CAMTA1: variants seen among roughly 807,000 people sequenced by gnomAD.
The protein encoded by CAMTA1 is calmodulin-binding transcription activator 1.
A neutral mutation model predicts 170.9 loss-of-function variants in CAMTA1; 27 were observed. That is an observed-to-expected ratio of 0.16 (90% CI 0.12 to 0.22). CAMTA1 has a LOEUF of 0.22. CAMTA1 is among the 10% of genes least tolerant of loss of function. The pLI is 1.00. For synonymous variants in CAMTA1, 833 were observed against 891.5 expected, an observed-to-expected ratio of 0.93 and a Z score of 1.17; for missense variants, 1,619 against 2,217.2, an observed-to-expected ratio of 0.73 and a Z score of 5.42.
chr1:7,553,167 ATGAATGAG>A (rs1350482887), intron 6 of CAMTA1, among the ~76,000 whole-genome samples: 1 of 152,196 alleles, frequency 6.6e-6, no homozygotes, highest in Non-Finnish European at 1.5e-5. Context: ...GAATGCATGA[ATGAATGAG>A]TGAATGAATG....
intron 15 of CAMTA1, 22 bp downstream of exon 15, chr1:7,737,592 A>G: frequency 6.3e-7 from 1 of 1,581,840 alleles, no homozygotes. Context: ...GAATCATGAC[A>G]TCTCAGAGCT....
At chr1:7,498,954 T>C (rs1272377698) in intron 6 of CAMTA1, among the ~76,000 whole-genome samples, 4 of 140,482 alleles carry the variant, frequency 2.8e-5, no homozygotes, top group African/African-American at 8.0e-5. Flanking sequence ...TCCATGAGTG[T>C]GTAGAGAGGA....
chr1:7,349,298 G>T (rs1006386951), intron 5 of CAMTA1, among the ~76,000 whole-genome samples: 1 of 152,132 alleles, frequency 6.6e-6, no homozygotes, highest in Admixed American at 6.5e-5. Flanking sequence ...ATCCAATGGG[G>T]CACCGTCCTG....
intron 11 of CAMTA1, among the ~76,000 whole-genome samples, chr1:7,722,413 C>T (rs1007740545): frequency 6.6e-5 from 10 of 152,218 alleles, no homozygotes; most frequent in African/African-American, 2.4e-4. Context: ...AGGATGGGGT[C>T]GACCCAGCAA....
At chr1:6,832,904 A>G (rs1651029282) in intron 3 of CAMTA1, among the ~76,000 whole-genome samples, 1 of 152,226 alleles carries the variant, frequency 6.6e-6, no homozygotes, top group African/African-American at 2.4e-5. Context: ...TGTAGCAGTT[A>G]GGTTAAATAT....
chr1:7,499,148 GTA>G (rs781251679), intron 6 of CAMTA1, among the ~76,000 whole-genome samples: 2,906 of 116,050 alleles, frequency 0.025, 5 homozygotes, highest in East Asian at 0.096. Context: ...GCGTGTGTAC[GTA>G]TATGAGTGTG....
intron 11 of CAMTA1, among the ~76,000 whole-genome samples, chr1:7,699,557 T>A (rs2096415735): frequency 6.6e-6 from 1 of 152,216 alleles, no homozygotes; most frequent in South Asian, 2.1e-4. Context: ...CTGGGTCACA[T>A]CATAACTTTA....
chr1:7,742,007 C>A (rs2096822117), intron 16 of CAMTA1, among the ~76,000 whole-genome samples: 2 of 146,402 alleles, frequency 1.4e-5, no homozygotes, highest in Non-Finnish European at 1.5e-5. Context: ...GAAATACAAT[C>A]AAAATGAAAT....
intron 6 of CAMTA1, among the ~76,000 whole-genome samples, chr1:7,616,673 C>G (rs994831599): frequency 1.3e-5 from 2 of 152,104 alleles, no homozygotes; most frequent in African/African-American, 2.4e-5. Flanking sequence ...GAGGCCAAGT[C>G]CCCTGTGTGA....
rs903764965 is a variant in CAMTA1 at position 7,681,147 on chromosome 1, C to T, written c.2914+3414C>T. Among the ~76,000 whole-genome samples the T allele has an allele frequency of 6.6e-6, 1 of 152,162 alleles. No homozygotes were observed. The highest frequency in any genetic ancestry group is 2.4e-5 in the African/African-American group (1 of 41,450). ...CCCAGACCTAGGGGTCTTCCCCTCC[C>T]TTCCCCTGCGCCCCACTGTGAGCTC... On this transcript the variant is annotated intron_variant, in intron 11 of 22. Transcript: ENST00000303635. The surrounding 1 kb of genome is among the most constrained non-coding windows in gnomAD (Gnocchi z 4.6).
At chr1:7,327,844 TGAAC>T (rs1171215792) in intron 5 of CAMTA1, among the ~76,000 whole-genome samples, 8 of 152,242 alleles carry the variant, frequency 5.3e-5, no homozygotes, top group African/African-American at 1.9e-4. Context: ...TTGTTGAAAG[TGAAC>T]TCTCAGGTTT....
intron 3 of CAMTA1, among the ~76,000 whole-genome samples, chr1:7,084,464 G>C (rs1640451074): frequency 6.6e-6 from 1 of 152,214 alleles, no homozygotes; most frequent in Non-Finnish European, 1.5e-5. Context: ...GCAGCAGAGA[G>C]AGCCGGGGCT....
rs144458780 is a variant in CAMTA1, at chr1:7,285,786, G to A, written c.438+36160G>A. Among the ~76,000 whole-genome samples the A allele has an allele frequency of 5.0e-3, 762 of 152,188 alleles. 3 individuals carry two copies. The highest frequency in any genetic ancestry group is 0.017 in the African/African-American group (707 of 41,516). ...AAAGTAGGGCCCCTGAGCCCATAAC[G>A]ACACCTGTGTACCTGGCAGCCACTA... On this transcript the variant is annotated intron_variant, in intron 5 of 22. Coordinates refer to ENST00000303635, the MANE Select transcript of CAMTA1 (RefSeq NM_015215.4).
chr1:7,069,031 C>T (rs778460911), intron 3 of CAMTA1, among the ~76,000 whole-genome samples: 1 of 152,192 alleles, frequency 6.6e-6, no homozygotes, highest in Admixed American at 6.5e-5. Context: ...GCAGAGCTGG[C>T]GAGCAGGAAA....
intron 3 of CAMTA1, among the ~76,000 whole-genome samples, chr1:6,902,693 T>A (rs1484281845): frequency 6.6e-6 from 1 of 152,194 alleles, no homozygotes; most frequent in Non-Finnish European, 1.5e-5. Flanking sequence ...CAAAAGAAGT[T>A]ATACACATGG....
chr1:7,587,629 TG>T (rs1201788230), intron 6 of CAMTA1, among the ~76,000 whole-genome samples: 2 of 152,112 alleles, frequency 1.3e-5, no homozygotes, highest in African/African-American at 4.8e-5. Context: ...TTTACATGGT[TG>T]AGGGGGATAT....
In CAMTA1 at chr1:7,737,565, A is replaced by C. The variant is rs41278954; in HGVS notation, c.3653A>C (p.Asn1218Thr). ...GGAGTCACTGTTATTGCAAGCACCA[A>C]CCCAGGTAAGAATTCAGAATCATGA... is the stretch of plus-strand genomic sequence containing the variant. ...PKGVTVIASTNPELRRPRSEP... is the reference protein window; with the variant it reads ...PKGVTVIASTTPELRRPRSEP... The change falls in exon 15 of 23, where the codon AAC becomes ACC. Residue 1218 changes from asparagine to threonine, a missense_variant. Physicochemically the swap from Asn to Thr is moderately conservative, Grantham distance 65. Around this residue, in one of 8 missense-constraint regions of CAMTA1, gnomAD observed 370 missense variants for 429.4 expected, o/e 0.86. Coordinates refer to ENST00000303635, the MANE Select transcript of CAMTA1 (RefSeq NM_015215.4). The C allele has an allele frequency of 6.6e-3, 10,621 of 1,601,778 alleles. 111 individuals are homozygous for C. Among genetic ancestry groups the C allele is most frequent in the Non-Finnish European group, 5.5e-3 (6,477 of 1,172,672 alleles).
chr1:7,156,018 C>T (rs1022171969), intron 4 of CAMTA1, among the ~76,000 whole-genome samples: 1 of 151,750 alleles, frequency 6.6e-6, no homozygotes, highest in Non-Finnish European at 1.5e-5. Flanking sequence ...TTTGGGATGC[C>T]GAGATGGGAG....
chr1:6,877,986 C>T (rs1670415490), intron 3 of CAMTA1, among the ~76,000 whole-genome samples: 2 of 152,222 alleles, frequency 1.3e-5, no homozygotes, highest in South Asian at 4.1e-4. Flanking sequence ...TTTCATTTCT[C>T]ATTAGCACAG....
Sources: gnomAD v4.1 joint callset for allele counts (sites outside exome capture counted in the v4.1 genomes callset) on GRCh38, gnomAD v4.1.1 for gene constraint, gnomAD v4.1.1 regional missense constraint, Gnocchi (gnomAD v3.1) non-coding constraint, MANE v1.5 for transcripts, NCBI Gene and HGNC (gene_info 2026-07-23, HGNC 2026-07-21) for gene names.